TTC3: variants seen among roughly 807,000 people sequenced by gnomAD.
The protein encoded by TTC3 is E3 ubiquitin-protein ligase TTC3.
In TTC3, 180 loss-of-function variants were observed where a neutral mutation model predicts 249.6. The ratio of observed to expected loss-of-function variants is 0.72; its 90% CI spans 0.64 to 0.82. The LOEUF (loss-of-function observed/expected upper bound fraction) is 0.82, where lower values mean the gene tolerates loss of function less well. Ranked by LOEUF, TTC3 falls within the 40% of genes least tolerant of loss-of-function variation. TTC3 has a pLI of 0.00. For missense variants in TTC3, 2,061 were observed against 2,398.4 expected (o/e 0.86, Z 2.94); for synonymous variants, 717 against 805.0 (o/e 0.89, Z 1.85).
At chr21:37,191,514 T>C in intron 40 of TTC3, 90 bp downstream of exon 40, 1 of 732,084 alleles carries the variant, frequency 1.4e-6, no homozygotes, top group Non-Finnish European at 2.1e-6. Flanking sequence ...CTATTTCTTT[T>C]TTATCTATTA....
intron 11 of TTC3, among the ~76,000 whole-genome samples, chr21:37,110,626 T>C (rs2075570901): frequency 6.6e-6 from 1 of 151,186 alleles, no homozygotes; most frequent in South Asian, 2.1e-4. Context: ...AAGTTGGAAA[T>C]ATCTGTAGGA....
At chr21:37,133,110 A>C (rs1446352000) in intron 17 of TTC3, among the ~76,000 whole-genome samples, 1 of 152,200 alleles carries the variant, frequency 6.6e-6, no homozygotes, top group Non-Finnish European at 1.5e-5. Context: ...AATGATTAGC[A>C]CTGTGGAATT....
chr21:37,171,256 G>T (rs935844497), intron 34 of TTC3, among the ~76,000 whole-genome samples: 1 of 152,188 alleles, frequency 6.6e-6, no homozygotes, highest in Non-Finnish European at 1.5e-5. Context: ...GTTTTTATCA[G>T]TGATGGGAAT....
intron 17 of TTC3, among the ~76,000 whole-genome samples, chr21:37,133,277 T>C: frequency 1.3e-5 from 2 of 152,328 alleles, no homozygotes; most frequent in South Asian, 4.1e-4. Flanking sequence ...TAAAATTCTT[T>C]TTACGTTACT....
chr21:37,199,669 G>T (rs2085296879), intron 44 of TTC3, among the ~76,000 whole-genome samples: 1 of 152,170 alleles, frequency 6.6e-6, no homozygotes, highest in Non-Finnish European at 1.5e-5. Context: ...CTTACCCTGA[G>T]GCAACCACTG....
At chr21:37,121,515 T>C (rs2076583170) in intron 11 of TTC3, among the ~76,000 whole-genome samples, 1 of 152,272 alleles carries the variant, frequency 6.6e-6, no homozygotes, top group Non-Finnish European at 1.5e-5. Flanking sequence ...ACAAAATTAT[T>C]ATATTCTCTG....
chr21:37,156,663 G>C, exon 28 of TTC3: 1 of 1,610,150 alleles, frequency 6.2e-7, no homozygotes, highest in Non-Finnish European at 8.5e-7. Context: ...AGGCTTAGAT[G>C]CCACAGGAAC....
intron 42 of TTC3, among the ~76,000 whole-genome samples, chr21:37,197,349 C>G (rs974412622): frequency 6.6e-6 from 1 of 151,496 alleles, no homozygotes; most frequent in African/African-American, 2.4e-5. Flanking sequence ...GATCGCGCCA[C>G]TGCCCTCCAG....
Position 37,160,819 on chromosome 21 carries a change from G to GA in TTC3, c.3062dup (p.Asn1021LysfsTer27), listed in dbSNP as rs2080661845. 1 of 1,612,592 alleles carries GA rather than the reference G, an allele frequency of 6.2e-7. No homozygotes were observed. Among genetic ancestry groups the GA allele is most frequent in the Non-Finnish European group, 8.5e-7 (1 of 1,179,434 alleles). ...TTTTTTAGTTTAGTTCAACCAAGGT[G>GA]AAAAACAAAAGCAAGAAAAAGAAGC... is the stretch of plus-strand genomic sequence containing the variant. On this transcript the variant is annotated frameshift_variant, in exon 30 of 46. Transcript: ENST00000355666. LOFTEE classifies it high-confidence loss of function.
intron 31 of TTC3, among the ~76,000 whole-genome samples, chr21:37,163,768 C>G (rs775349496): frequency 6.6e-6 from 1 of 152,140 alleles, no homozygotes; most frequent in African/African-American, 2.4e-5. Flanking sequence ...ATAATTAATG[C>G]AACTTTTTTT....
chr21:37,118,626 C>T (rs1292593430), intron 11 of TTC3, among the ~76,000 whole-genome samples: 5 of 152,156 alleles, frequency 3.3e-5, no homozygotes, highest in Non-Finnish European at 7.4e-5. Flanking sequence ...TTAATTGGCT[C>T]ATGTAACTGA....
At chr21:37,153,171 T>C in exon 27 of TTC3, 1 of 1,614,162 alleles carries the variant, frequency 6.2e-7, no homozygotes, top group South Asian at 1.1e-5. Context: ...GCCACTTGAT[T>C]CAAGAAAATA....
At chr21:37,098,442 G>C (rs2074162071) in intron 10 of TTC3, 1 of 152,718 alleles carries the variant, frequency 6.5e-6, no homozygotes, top group African/African-American at 2.4e-5. Flanking sequence ...GTGAATCAGA[G>C]TAGAAGTACA....
Position 37,173,504 on chromosome 21 carries a change from A to T in TTC3, c.4617+760A>T, listed in dbSNP as rs192491144. On this transcript the variant is annotated intron_variant, in intron 35 of 45. Coordinates refer to ENST00000355666, the Ensembl canonical transcript of TTC3. ...GGCAAAGCCAGATTGAATTAGTGAG[A>T]AAATGGAATCACAGATGTGAGGAAA... is the stretch of plus-strand genomic sequence containing the variant. Among the ~76,000 whole-genome samples, 4 of 152,346 alleles carry T rather than the reference A, an allele frequency of 2.6e-5. No individual in the cohort carries two copies. In the East Asian group the frequency reaches 5.8e-4, roughly 22 times the overall value.
chr21:37,087,948 C>G, intron 3 of TTC3, 73 bp downstream of exon 3: 1 of 1,182,742 alleles, frequency 8.5e-7, no homozygotes, highest in Non-Finnish European at 1.2e-6. Flanking sequence ...CCTGTCATAG[C>G]AATACAACAG....
At chr21:37,074,237 AG>A (rs1029896827) in intron 1 of TTC3, among the ~76,000 whole-genome samples, 1 of 152,166 alleles carries the variant, frequency 6.6e-6, no homozygotes, top group Non-Finnish European at 1.5e-5. Context: ...GCTAATGGGA[AG>A]GGGGGTGGAC....
At chr21:37,144,247 AAAAT>A (rs987928989) in intron 20 of TTC3, among the ~76,000 whole-genome samples, 1 of 151,626 alleles carries the variant, frequency 6.6e-6, no homozygotes, top group African/African-American at 2.4e-5. Context: ...TATAATAAAA[AAAAT>A]ATATATATAT....
At chr21:37,183,022 A>G in intron 36 of TTC3, 109 bp downstream of exon 36, 1 of 952,922 alleles carries the variant, frequency 1.0e-6, no homozygotes. Flanking sequence ...AGTAAAGTAA[A>G]AATGAATACT....
chr21:37,126,966 T>A (rs527645266), intron 15 of TTC3, among the ~76,000 whole-genome samples: 26 of 152,106 alleles, frequency 1.7e-4, no homozygotes, highest in Admixed American at 5.2e-4. Context: ...GCAATTCTCC[T>A]GCCTCAGCCT....
Sources: gnomAD v4.1 joint callset for allele counts (sites outside exome capture counted in the v4.1 genomes callset) on GRCh38, gnomAD v4.1.1 for gene constraint, MANE v1.5 for transcripts, NCBI Gene and HGNC (gene_info 2026-07-23, HGNC 2026-07-21) for gene names.